The following WARS2 variants were observed in gnomAD, a reference collection of about 807,000 sequenced individuals.
The protein encoded by WARS2 is tryptophanyl tRNA synthetase 2, mitochondrial.
WARS2 carries 28 observed loss-of-function variants against 36.5 expected under a neutral mutation model. The ratio of observed to expected loss-of-function variants is 0.77; its 90% CI spans 0.57 to 1.05. The LOEUF (loss-of-function observed/expected upper bound fraction) is 1.05. WARS2 is among the 50% of genes least tolerant of loss of function. WARS2 has a pLI of 0.00. For missense variants in WARS2, 435 were observed against 456.8 expected (o/e 0.95, Z 0.44); for synonymous variants, 174 against 178.4 (o/e 0.98, Z 0.20).
intron 1 of WARS2, 87 bp downstream of exon 1, chr1:119,140,468 G>A (rs986739124): frequency 9.6e-6 from 12 of 1,245,908 alleles, no homozygotes; most frequent in African/African-American, 8.9e-5. Context: ...CCTAAGAAGC[G>A]GGAGGAGAGA....
intron 1 of WARS2, chr1:119,127,248 T>C: frequency 1.3e-6 from 1 of 769,226 alleles, no homozygotes; most frequent in Non-Finnish European, 2.3e-6. Context: ...CTTGGCTCCC[T>C]TTTTGCCGCC....
chr1:119,060,308 G>A (rs1650269543), intron 2 of WARS2, among the ~76,000 whole-genome samples: 1 of 152,182 alleles, frequency 6.6e-6, no homozygotes, highest in Non-Finnish European at 1.5e-5. Flanking sequence ...GTTCTAGTGA[G>A]TGCTCCCTTC....
intron 5 of WARS2, 53 bp downstream of exon 5, chr1:119,034,042 A>G: frequency 6.6e-7 from 1 of 1,516,854 alleles, no homozygotes; most frequent in East Asian, 2.3e-5. Context: ...TCTATTGTCC[A>G]ATCCTCTCTT....
At chr1:119,103,643 T>C (rs1327108998) in intron 1 of WARS2, among the ~76,000 whole-genome samples, 1 of 151,764 alleles carries the variant, frequency 6.6e-6, no homozygotes, top group Non-Finnish European at 1.5e-5. Context: ...TAAAAAATTG[T>C]CAAATAATTC....
At position 119,042,243 on chromosome 1, in the gene WARS2, TG is replaced by T. The variant is rs769789160; in HGVS notation, c.515+20del. The stretch of plus-strand genomic sequence containing the variant: ...TTGTCACCATGAGTATGTATAAGAC[TG>T]GGCTGAACTCTCTTCTTACTTGTAC... On this transcript the variant is annotated intron_variant, in intron 4 of 5. Transcript: ENST00000235521. 6.8e-6 allele frequency: 11 copies of T among 1,611,434 alleles called. No individual in the cohort carries two copies. The South Asian group carries it at 9.9e-5, about 14-fold the overall frequency.
rs1647586485 is a variant in WARS2 at position 119,033,187 on chromosome 1, G to A, written c.807C>T (p.Arg269=). The A allele has an allele frequency of 1.9e-6, 3 of 1,614,236 alleles. No individual in the cohort carries two copies. Among genetic ancestry groups the A allele is most frequent in the South Asian group, 1.1e-5 (1 of 91,088 alleles). The change falls in exon 6 of 6, where the codon CGC becomes CGT. Residue 269 remains arginine, a synonymous_variant. Transcript: ENST00000235521. The part of the protein sequence containing the change: ...TSEVTYDPAG[R]AGVSNIVAVH... ...CCGCCACTATGTTGGACACGCCAGC[G>A]CGGCCAGCCGGGTCATAGGTGACCT...
At chr1:119,091,468 T>C (rs772689050) in intron 1 of WARS2, among the ~76,000 whole-genome samples, 3 of 152,174 alleles carry the variant, frequency 2.0e-5, no homozygotes, top group Non-Finnish European at 2.9e-5. Flanking sequence ...CAGAGGGAGA[T>C]TATGAGAAGA....
intron 2 of WARS2, among the ~76,000 whole-genome samples, chr1:119,068,498 C>A (rs1268036834): frequency 6.6e-6 from 1 of 152,064 alleles, no homozygotes; most frequent in East Asian, 1.9e-4. Flanking sequence ...GATGCAAATC[C>A]CCCTTTCCTC....
rs1169333109 is a variant in WARS2 at position 119,111,146 on chromosome 1, T to C, written c.90+29409A>G. On this transcript the variant is annotated intron_variant, in intron 1 of 5. Transcript: ENST00000235521. ...ACATATCTGACTCTAGTTCTGAGGC[T>C]TGTTTAGTCTCTTCAAATTGTGTTT... Among the ~76,000 whole-genome samples the C allele has an allele frequency of 1.3e-5, 2 of 152,250 alleles. 1 individual carries two copies. The highest frequency in any genetic ancestry group is 3.8e-4 in the East Asian group (2 of 5,202).
intron 3 of WARS2, 152 bp downstream of exon 3, chr1:119,045,430 T>G: frequency 1.6e-6 from 1 of 641,266 alleles, no homozygotes; most frequent in Non-Finnish European, 2.7e-6. Flanking sequence ...TTATTTTCCT[T>G]TTAATACCCT....
intron 1 of WARS2, among the ~76,000 whole-genome samples, chr1:119,112,167 C>A (rs1654684706): frequency 1.3e-5 from 2 of 152,100 alleles, no homozygotes; most frequent in South Asian, 4.1e-4. Flanking sequence ...GGTGATCTGG[C>A]CGCCTCAGCT....
chr1:119,050,493 A>G (rs750573102), intron 2 of WARS2, among the ~76,000 whole-genome samples: 1 of 152,208 alleles, frequency 6.6e-6, no homozygotes, highest in Non-Finnish European at 1.5e-5. Context: ...ATTCACTAAT[A>G]TATCATGCTA....
At chr1:119,073,327 C>T (rs1250680346) in intron 2 of WARS2, among the ~76,000 whole-genome samples, 1 of 151,370 alleles carries the variant, frequency 6.6e-6, no homozygotes, top group Non-Finnish European at 1.5e-5. Flanking sequence ...ATAAAATATC[C>T]CATCCATCCA....
intron 1 of WARS2, among the ~76,000 whole-genome samples, chr1:119,083,486 C>A (rs1652374345): frequency 6.6e-6 from 1 of 152,162 alleles, no homozygotes; most frequent in Admixed American, 6.5e-5. Flanking sequence ...TTTGTTATAG[C>A]AGCACAAATG....
At chr1:119,048,496 A>G (rs1396124465) in intron 2 of WARS2, among the ~76,000 whole-genome samples, 1 of 152,252 alleles carries the variant, frequency 6.6e-6, no homozygotes, top group Non-Finnish European at 1.5e-5. Context: ...GAAATAATAC[A>G]GAGTGATCCC....
In WARS2 at chr1:119,034,170, C is replaced by T. The variant is rs1647681776; in HGVS notation, c.559G>A (p.Glu187Lys). The change falls in exon 5 of 6, where the codon GAA becomes AAA. Residue 187 changes from glutamate (E) to lysine (K), a missense_variant. Coordinates refer to ENST00000235521, the MANE Select transcript of WARS2 (RefSeq NM_015836.4). ...PVGEDQVQHM[E>K]LVQDLAQGFN... ...CCTTGTGCTAGATCCTGAACTAGTTCCATGTGCTGGACTTGATCCTCCCCA... is the reference window on the plus strand; with the variant it reads ...CCTTGTGCTAGATCCTGAACTAGTTTCATGTGCTGGACTTGATCCTCCCCA... The T allele has an allele frequency of 6.2e-7, 1 of 1,614,076 alleles. No homozygotes were observed. Among genetic ancestry groups the T allele is most frequent in the Non-Finnish European group, 8.5e-7 (1 of 1,179,954 alleles).
chr1:119,140,640 G>A lies in WARS2; in HGVS notation c.5C>T (p.Ala2Val), dbSNP rs1337207347. 5.0e-6 allele frequency: 8 copies of A among 1,612,196 alleles called. No individual in the cohort carries two copies. Among genetic ancestry groups the A allele is most frequent in the Non-Finnish European group, 6.8e-6 (8 of 1,178,990 alleles). Residue 2 changes from alanine (A) to valine (V), a missense_variant, in exon 1 of 6, where the codon GCG becomes GTG. Transcript: ENST00000235521. M[A>V]LHSMRKARER... Reference sequence around the variant, plus strand: ...ACGCGCTTTCCGCATTGAGTGCAGCGCCATCTTGAGAAGGGCGGAGCCGTC... The same window carrying A: ...ACGCGCTTTCCGCATTGAGTGCAGCACCATCTTGAGAAGGGCGGAGCCGTC...
chr1:119,037,990 TATAAGTC>T (rs944712297), intron 4 of WARS2, among the ~76,000 whole-genome samples: 9 of 152,242 alleles, frequency 5.9e-5, no homozygotes, highest in Non-Finnish European at 1.5e-5. Context: ...CTTTTAAAAG[TATAAGTC>T]ATATCAAATT....
chr1:119,138,090 CATATGATAA>C (rs1656641271), intron 1 of WARS2, among the ~76,000 whole-genome samples: 1 of 152,110 alleles, frequency 6.6e-6, no homozygotes, highest in Non-Finnish European at 1.5e-5. Context: ...TGGAACCATT[CATATGATAA>C]ATATACATTT....
Sources: allele counts gnomAD v4.1 joint callset (sites outside exome capture counted in the v4.1 genomes callset), GRCh38; gene constraint gnomAD v4.1.1; transcripts MANE v1.5; gene names NCBI Gene and HGNC (gene_info 2026-07-23, HGNC 2026-07-21).